CDH12: variants seen among roughly 807,000 people sequenced by gnomAD.
CDH12 encodes cadherin-12.
A neutral mutation model predicts 74.1 loss-of-function variants in CDH12; 41 were observed. The ratio of observed to expected loss-of-function variants is 0.55; its 90% CI spans 0.43 to 0.72. The LOEUF (loss-of-function observed/expected upper bound fraction) is 0.72. CDH12 is among the 30% of genes least tolerant of loss of function. CDH12 has a pLI of 0.00. For synonymous variants in CDH12, 399 were observed against 355.0 expected, an observed-to-expected ratio of 1.12 and a Z score of -1.39; for missense variants, 945 against 977.2, an observed-to-expected ratio of 0.97 and a Z score of 0.44.
intron 4 of CDH12, among the ~76,000 whole-genome samples, chr5:22,191,859 C>T (rs1430868053): frequency 2.0e-5 from 3 of 151,734 alleles, no homozygotes; most frequent in South Asian, 2.1e-4. Context: ...CCACCGCGCC[C>T]GGCCCACCAA....
At chr5:21,926,640 A>G (rs1384819973) in intron 6 of CDH12, among the ~76,000 whole-genome samples, 1 of 152,230 alleles carries the variant, frequency 6.6e-6, no homozygotes, top group Non-Finnish European at 1.5e-5. Context: ...AGTACCCTCC[A>G]TAAAAGCAAG....
At chr5:22,166,263 T>G (rs1197380626) in intron 4 of CDH12, among the ~76,000 whole-genome samples, 7 of 152,210 alleles carry the variant, frequency 4.6e-5, no homozygotes, top group African/African-American at 1.7e-4. Flanking sequence ...CGTTGATGTA[T>G]CCCAAACCCC....
At chr5:21,815,553 C>A (rs187404855) in intron 9 of CDH12, among the ~76,000 whole-genome samples, 1 of 152,322 alleles carries the variant, frequency 6.6e-6, no homozygotes, top group Non-Finnish European at 1.5e-5. Context: ...TTTCAACTAA[C>A]TTTGCCCTCA....
rs1354839882 is a variant in CDH12 at position 21,816,950 on chromosome 5, T to C, written c.997A>G (p.Lys333Glu). The C allele has an allele frequency of 1.9e-6, 3 of 1,601,100 alleles. No individual in the cohort carries two copies. Among genetic ancestry groups the C allele is most frequent in the Non-Finnish European group, 2.6e-6 (3 of 1,172,670 alleles). The change falls in exon 9 of 15, where the codon AAA becomes GAA. Residue 333 changes from lysine to glutamate, a missense_variant. Physicochemically the swap from Lys to Glu is moderately conservative, Grantham distance 56. Coordinates refer to ENST00000382254, the MANE Select transcript of CDH12 (RefSeq NM_004061.5). Reference protein sequence around the residue: ...EDTQEGVIKLKKPLDFETKKA... With the variant: ...EDTQEGVIKLEKPLDFETKKA... The stretch of plus-strand genomic sequence containing the variant: ...CCCAACATTTGTCTATATACCTTTT[T>C]CAATTTGATGACTCCCTCTTGTGTA...
intron 5 of CDH12, among the ~76,000 whole-genome samples, chr5:22,017,342 A>G (rs1353205513): frequency 6.6e-6 from 1 of 152,044 alleles, no homozygotes; most frequent in Non-Finnish European, 1.5e-5. Context: ...TTGCAACCAC[A>G]AGTGTAGTAG....
At chr5:22,210,512 T>A (rs1561223580) in intron 4 of CDH12, among the ~76,000 whole-genome samples, 1 of 150,750 alleles carries the variant, frequency 6.6e-6, no homozygotes, top group Non-Finnish European at 1.5e-5. Context: ...TATTTTAAGT[T>A]CAGGGGTACG....
At chr5:21,842,480 A>G (rs1417027538) in intron 7 of CDH12, 152 bp from the exon 8 acceptor site, 1 of 567,714 alleles carries the variant, frequency 1.8e-6, no homozygotes, top group African/African-American at 1.9e-5. Flanking sequence ...GAGACATTCA[A>G]AATGTCCAAT....
intron 3 of CDH12, among the ~76,000 whole-genome samples, chr5:22,291,335 T>C (rs1468530632): frequency 6.6e-6 from 1 of 152,148 alleles, no homozygotes; most frequent in East Asian, 1.9e-4. Context: ...TTTCTATTCA[T>C]TATAGTACAC....
chr5:22,027,818 G>A (rs1738481044), intron 5 of CDH12, among the ~76,000 whole-genome samples: 1 of 151,970 alleles, frequency 6.6e-6, no homozygotes, highest in Admixed American at 6.6e-5. Flanking sequence ...ATTTCCTTCA[G>A]TTCTGCTCTG....
intron 4 of CDH12, among the ~76,000 whole-genome samples, chr5:22,129,042 G>T (rs1483436584): frequency 6.6e-6 from 1 of 152,106 alleles, no homozygotes; most frequent in Non-Finnish European, 1.5e-5. Flanking sequence ...TGACAAAAAC[G>T]TTTAACCTGT....
intron 5 of CDH12, among the ~76,000 whole-genome samples, chr5:22,050,053 T>C (rs571922874): frequency 6.6e-6 from 1 of 152,228 alleles, no homozygotes; most frequent in Admixed American, 6.5e-5. Context: ...ACATCATTTG[T>C]TTCCCCTCCC....
intron 3 of CDH12, among the ~76,000 whole-genome samples, chr5:22,308,160 G>T (rs551734776): frequency 6.6e-6 from 1 of 152,014 alleles, no homozygotes; most frequent in Non-Finnish European, 1.5e-5. Flanking sequence ...GATTACAGGC[G>T]TGAGCCCCCC....
intron 5 of CDH12, among the ~76,000 whole-genome samples, chr5:22,019,468 C>T (rs1285096449): frequency 1.3e-5 from 2 of 152,086 alleles, no homozygotes; most frequent in African/African-American, 4.8e-5. Flanking sequence ...CAAGGTGGGG[C>T]TCTGAGAAGG....
intron 5 of CDH12, among the ~76,000 whole-genome samples, chr5:22,017,085 C>T (rs1737655580): frequency 6.6e-6 from 1 of 152,068 alleles, no homozygotes. Flanking sequence ...AAATGTTGGC[C>T]ACCATATCAA....
intron 6 of CDH12, chr5:21,884,386 T>G: frequency 9.9e-7 from 1 of 1,010,990 alleles, no homozygotes; most frequent in South Asian, 1.3e-5. Flanking sequence ...CACCAATAAC[T>G]TCAGAGAAGT....
At chr5:22,611,648 T>A (rs1489677004) in intron 1 of CDH12, among the ~76,000 whole-genome samples, 1 of 152,078 alleles carries the variant, frequency 6.6e-6, no homozygotes, top group African/African-American at 2.4e-5. Context: ...GTGCTATTTA[T>A]CAAGAGATAC....
chr5:22,805,352 A>C (rs1748729410), intron 1 of CDH12, among the ~76,000 whole-genome samples: 1 of 152,178 alleles, frequency 6.6e-6, no homozygotes, highest in South Asian at 2.1e-4. Context: ...GAATGAACCC[A>C]TTTAAACAAA....
intron 5 of CDH12, among the ~76,000 whole-genome samples, chr5:22,076,328 C>G (rs1305981025): frequency 6.6e-6 from 1 of 152,140 alleles, no homozygotes; most frequent in Non-Finnish European, 1.5e-5. Context: ...CTTGCATATA[C>G]AATCCCATGG....
At chr5:22,244,532 AAG>A (rs1752855151) in intron 3 of CDH12, among the ~76,000 whole-genome samples, 1 of 2,840 alleles carries the variant, frequency 3.5e-4, no homozygotes, top group African/African-American at 1.1e-3. Flanking sequence ...AAAAAAAAAA[AAG>A]AAGAAGAAGA....
Sources: allele counts gnomAD v4.1 joint callset (sites outside exome capture counted in the v4.1 genomes callset), GRCh38; gene constraint gnomAD v4.1.1; transcripts MANE v1.5; gene names NCBI Gene and HGNC (gene_info 2026-07-23, HGNC 2026-07-21).